Variants in C9 observed in about 807,000 individuals in gnomAD.
The protein encoded by C9 is complement C9, also known as complement component C9.
A neutral mutation model predicts 65.4 loss-of-function variants in C9; 63 were observed. The ratio of observed to expected loss-of-function variants is 0.96; its 90% CI spans 0.79 to 1.19. The LOEUF (loss-of-function observed/expected upper bound fraction) is 1.19. Among genes scored for constraint, C9 ranks in the 50% most tolerant of loss-of-function variants. C9 has a pLI of 0.00. For synonymous variants in C9, 229 were observed against 227.9 expected, an observed-to-expected ratio of 1.00 and a Z score of -0.04; for missense variants, 744 against 670.1, an observed-to-expected ratio of 1.11 and a Z score of -1.22.
At chr5:39,321,747 T>G (rs1248843115) in intron 5 of C9, among the ~76,000 whole-genome samples, 1 of 152,036 alleles carries the variant, frequency 6.6e-6, no homozygotes, top group Non-Finnish European at 1.5e-5. Context: ...TGTTAAAAAC[T>G]GCAAGAAGGG....
intron 4 of C9, among the ~76,000 whole-genome samples, chr5:39,332,689 A>C (rs1042664238): frequency 2.0e-5 from 3 of 152,214 alleles, no homozygotes; most frequent in Non-Finnish European, 4.4e-5. Context: ...TGGTACAAAA[A>C]CAAAAACACA....
chr5:39,288,893 T>C lies in C9; in HGVS notation c.1475A>G (p.Gln492Arg), dbSNP rs1753040265. Reference protein sequence around the residue: ...VKMKNAHLKKQNLERAIEDYI... With the variant: ...VKMKNAHLKKRNLERAIEDYI... ...GTCTTCAATGGCTCTTTCCAAGTTT[T>C]GTTTCTTTAGGTGTGCATTTTTCAT... Residue 492 changes from glutamine (Q) to arginine (R), a missense_variant, in exon 10 of 11, where the codon CAA becomes CGA. Gln to Arg is a conservative substitution (Grantham distance 43). Transcript: ENST00000263408. 3 of 1,611,998 alleles carry C rather than the reference T, an allele frequency of 1.9e-6. No homozygotes were observed. The highest frequency in any genetic ancestry group is 2.7e-5 in the African/African-American group (2 of 74,804).
intron 1 of C9, among the ~76,000 whole-genome samples, chr5:39,363,528 AG>A (rs1754558429): frequency 6.6e-6 from 1 of 152,224 alleles, no homozygotes; most frequent in Non-Finnish European, 1.5e-5. Context: ...GCAGAGGAAC[AG>A]GGCTTGGGCA....
At position 39,346,493 on chromosome 5, in the gene C9, G is replaced by C. The variant is rs187808957; in HGVS notation, c.78-4297C>G. Among the ~76,000 whole-genome samples, 884 of 152,234 alleles carry C rather than the reference G, an allele frequency of 5.8e-3. 3 individuals carry two copies. Among genetic ancestry groups the C allele is most frequent in the Middle Eastern group, 0.021 (6 of 292 alleles). The stretch of plus-strand genomic sequence containing the variant: ...CAGGAAGAAGTTGAATCCCTGAATA[G>C]ACCAATAACAGGCTCTGAAATTGAG... On this transcript the variant is annotated intron_variant, in intron 1 of 10. Coordinates refer to ENST00000263408, the MANE Select transcript of C9 (RefSeq NM_001737.5).
intron 9 of C9, among the ~76,000 whole-genome samples, chr5:39,302,353 G>C (rs1753301162): frequency 6.6e-6 from 1 of 151,978 alleles, no homozygotes; most frequent in Admixed American, 6.6e-5. Context: ...CCATAAAAGT[G>C]GTAAAGTATA....
At chr5:39,319,777 C>G (rs1753634380) in intron 5 of C9, among the ~76,000 whole-genome samples, 1 of 152,124 alleles carries the variant, frequency 6.6e-6, no homozygotes. Flanking sequence ...ATGGTCCTTA[C>G]AGCCTCAAGA....
chr5:39,338,438 C>G (rs1754009616), intron 4 of C9, among the ~76,000 whole-genome samples: 1 of 152,094 alleles, frequency 6.6e-6, no homozygotes, highest in African/African-American at 2.4e-5. Flanking sequence ...TCACTCAGTT[C>G]TTATCTATAA....
Position 39,306,534 on chromosome 5 carries a change from A to G in C9, c.1416+83T>C. ...TGAATGTTCACGTCTCTTTCAGATG[A>G]AGCTAACAGTTCACCTGAAACAATG... is the stretch of plus-strand genomic sequence containing the variant. On this transcript the variant is annotated intron_variant, in intron 9 of 10. Transcript: ENST00000263408. The G allele has an allele frequency of 3.7e-6, 4 of 1,090,434 alleles. No individual in the cohort carries two copies. In the South Asian group the frequency reaches 5.0e-5, roughly 14 times the overall value. 67.5% of individuals were successfully genotyped at this position (1,090,434 alleles called of 1,614,324 possible).
Position 39,285,174 on chromosome 5 carries a change from C to G in C9, c.*25G>C, listed in dbSNP as rs780317875. ...AAGGTACTAGTGTTTTCTTCTTCCACTGGAGCTCAGAGAAGCCAACAGCTC... is the reference window on the plus strand; with the variant it reads ...AAGGTACTAGTGTTTTCTTCTTCCAGTGGAGCTCAGAGAAGCCAACAGCTC... On this transcript the variant is annotated 3_prime_UTR_variant, in exon 11 of 11. Transcript: ENST00000263408. The G allele has an allele frequency of 1.9e-6, 3 of 1,606,114 alleles. No individual in the cohort carries two copies. The highest frequency in any genetic ancestry group is 2.2e-5 in the South Asian group (2 of 90,928).
intron 9 of C9, among the ~76,000 whole-genome samples, chr5:39,305,156 T>A (rs1025074769): frequency 1.3e-5 from 2 of 152,112 alleles, no homozygotes; most frequent in African/African-American, 4.8e-5. Context: ...TGAATTTGTG[T>A]TAGATTTAAA....
In C9 at chr5:39,341,563, G is replaced by A. The variant is rs1349340138; in HGVS notation, c.321C>T (p.Cys107=). 6 of 1,613,812 alleles carry A rather than the reference G, an allele frequency of 3.7e-6. No individual in the cohort carries two copies. The highest frequency in any genetic ancestry group is 2.2e-5 in the South Asian group (2 of 91,072). Residue 107 remains cysteine, a synonymous_variant, in exon 3 of 11, where the codon TGC becomes TGT. Coordinates refer to ENST00000263408, the MANE Select transcript of C9 (RefSeq NM_001737.5). Reference sequence around the variant, plus strand: ...TTCAAGCACAAAGATTACCTGTACTGCATTGAAAGTCATTTCCGCAGTCAT... The same window carrying A: ...TTCAAGCACAAAGATTACCTGTACTACATTGAAAGTCATTTCCGCAGTCAT... ...AEDDCGNDFQ[C]STGRCIKMRL...
chr5:39,341,268 C>A lies in C9; in HGVS notation c.354G>T (p.Arg118=). The A allele has an allele frequency of 6.2e-7, 1 of 1,614,190 alleles. No homozygotes were observed. Among genetic ancestry groups the A allele is most frequent in the Non-Finnish European group, 8.5e-7 (1 of 1,180,020 alleles). Residue 118 remains arginine (R), a synonymous_variant, in exon 4 of 11, where the codon CGG becomes CGT. Transcript: ENST00000263408. ...STGRCIKMRL[R]CNGDNDCGDF... ...CTCCGCAGTCATTGTCACCATTACA[C>A]CGAAGTCGCATCTTTATGCATCTGC...
intron 9 of C9, among the ~76,000 whole-genome samples, chr5:39,304,209 G>A (rs1196776486): frequency 6.6e-6 from 1 of 152,062 alleles, no homozygotes. Context: ...TTAAGTGAGA[G>A]CTTACAGTCA....
At chr5:39,316,468 A>G (rs539616618) in intron 5 of C9, among the ~76,000 whole-genome samples, 1 of 152,280 alleles carries the variant, frequency 6.6e-6, no homozygotes, top group East Asian at 1.9e-4. Context: ...ATTAAGCCCA[A>G]CATCCATTAG....
chr5:39,295,199 C>T (rs34803949), intron 9 of C9, among the ~76,000 whole-genome samples: 5,032 of 151,688 alleles, frequency 0.033, 108 homozygotes, highest in Middle Eastern at 0.048. Context: ...ACTGGAAATC[C>T]GAGCCAGAGC....
chr5:39,347,204 T>C (rs920294252), intron 1 of C9, among the ~76,000 whole-genome samples: 3 of 152,126 alleles, frequency 2.0e-5, no homozygotes, highest in African/African-American at 4.8e-5. Context: ...ATAAAGGGTA[T>C]TCAATTAGGA....
At chr5:39,302,905 A>G (rs1430939849) in intron 9 of C9, among the ~76,000 whole-genome samples, 1 of 152,186 alleles carries the variant, frequency 6.6e-6, no homozygotes, top group Non-Finnish European at 1.5e-5. Flanking sequence ...ACAAAATGAG[A>G]TTAAAGAGTA....
intron 10 of C9, among the ~76,000 whole-genome samples, chr5:39,286,292 G>T (rs1752990005): frequency 6.6e-6 from 1 of 152,000 alleles, no homozygotes. Context: ...AACTAAGCCT[G>T]TAATAAAAAA....
At chr5:39,339,661 T>C (rs1382913816) in intron 4 of C9, among the ~76,000 whole-genome samples, 1 of 132,698 alleles carries the variant, frequency 7.5e-6, no homozygotes, top group African/African-American at 2.9e-5. Flanking sequence ...CTTTTTTTTT[T>C]TTTTTTTTTT....
Sources: allele counts gnomAD v4.1 joint callset (sites outside exome capture counted in the v4.1 genomes callset), GRCh38; gene constraint gnomAD v4.1.1; transcripts MANE v1.5; gene names NCBI Gene and HGNC (gene_info 2026-07-23, HGNC 2026-07-21).